Variants in HERC4 observed in about 807,000 individuals in gnomAD.
HERC4 encodes the protein HECT and RLD domain containing E3 ubiquitin protein ligase 4, also known as probable E3 ubiquitin-protein ligase HERC4.
In HERC4, 28 loss-of-function variants were observed where a neutral mutation model predicts 124.3. That is an observed-to-expected ratio of 0.23 (90% CI 0.17 to 0.31). The LOEUF (loss-of-function observed/expected upper bound fraction) is 0.31, where lower values mean the gene tolerates loss of function less well. HERC4 is among the 10% of genes least tolerant of loss of function. HERC4 has a pLI of 1.00. For synonymous variants in HERC4, 407 were observed against 421.5 expected (o/e 0.97, Z 0.42); for missense variants, 713 against 1,229.3 (o/e 0.58, Z 6.28).
chr10:67,960,235 T>A (rs180813716), intron 16 of HERC4, among the ~76,000 whole-genome samples: 3 of 152,338 alleles, frequency 2.0e-5, no homozygotes, highest in Admixed American at 2.0e-4. Flanking sequence ...TACACATCTA[T>A]GCCAGGAAAG....
At chr10:67,932,551 T>C (rs777508486) in intron 23 of HERC4, 46 bp downstream of exon 23, 8 of 1,517,266 alleles carry the variant, frequency 5.3e-6, no homozygotes, top group African/African-American at 2.8e-5. Flanking sequence ...GATTTCCATA[T>C]ATAAATCTTT....
chr10:68,027,200 C>T (rs948596880), intron 7 of HERC4, among the ~76,000 whole-genome samples: 1 of 152,186 alleles, frequency 6.6e-6, no homozygotes, highest in Non-Finnish European at 1.5e-5. Context: ...TTACTACATA[C>T]TGTTATATGA....
At chr10:67,973,106 G>A (rs895943180) in intron 15 of HERC4, among the ~76,000 whole-genome samples, 12 of 152,042 alleles carry the variant, frequency 7.9e-5, no homozygotes, top group African/African-American at 2.9e-4. Context: ...CTAGAATGGA[G>A]GGCACACAGG....
chr10:68,020,074 G>A (rs1409902347), intron 8 of HERC4, among the ~76,000 whole-genome samples: 1 of 152,106 alleles, frequency 6.6e-6, no homozygotes, highest in Non-Finnish European at 1.5e-5. Context: ...AATTTAGAAT[G>A]TCACTGTGCA....
Position 68,034,127 on chromosome 10 carries a change from A to G in HERC4, c.523T>C (p.Cys175Arg), listed in dbSNP as rs753067726. 2 of 1,614,156 alleles carry G rather than the reference A, an allele frequency of 1.2e-6. No individual in the cohort carries two copies. Among genetic ancestry groups the G allele is most frequent in the Non-Finnish European group, 8.5e-7 (1 of 1,180,036 alleles). The change falls in exon 6 of 25, where the codon TGT becomes CGT. Residue 175 changes from cysteine to arginine, a missense_variant. Coordinates refer to ENST00000373700, the MANE Select transcript of HERC4 (RefSeq NM_015601.4). ...AGCTGCGGTGAAGTTTGCTTTTTAC[A>G]GTCAGTACCTAAACCCAATTGGCCA... ...KYGQLGLGTDCKKQTSPQLLK... is the reference protein window; with the variant it reads ...KYGQLGLGTDRKKQTSPQLLK...
rs576109930 is a variant in HERC4 at position 67,925,320 on chromosome 10, C to A, written c.2839-133G>T. On this transcript the variant is annotated intron_variant, in intron 23 of 24. Transcript: ENST00000373700. ...TTGCCCACTGTTTTCTGGACATTTA[C>A]AATTTGAAGCTATTAGTTCCAGGAG... The A allele has an allele frequency of 9.5e-6, 5 of 527,010 alleles. No individual in the cohort carries two copies. In the South Asian group the frequency reaches 1.3e-4, roughly 14 times the overall value. 32.6% of individuals were successfully genotyped at this position (527,010 alleles called of 1,614,324 possible).
At chr10:67,929,566 A>G (rs117386117) in intron 23 of HERC4, among the ~76,000 whole-genome samples, 14,645 of 151,784 alleles carry the variant, frequency 0.096, 912 homozygotes, top group Middle Eastern at 0.18. Context: ...TTTGCTGCCT[A>G]TGACAGAGTG....
At chr10:68,000,009 C>G (rs2037130734) in intron 9 of HERC4, among the ~76,000 whole-genome samples, 1 of 152,150 alleles carries the variant, frequency 6.6e-6, no homozygotes, top group South Asian at 2.1e-4. Flanking sequence ...GTTACTTAAT[C>G]CGGTATGACA....
rs144396685 is a variant in HERC4 at position 68,060,330 on chromosome 10, C to T, written c.226+12553G>A. On this transcript the variant is annotated intron_variant, in intron 3 of 24. Transcript: ENST00000373700. Reference sequence around the variant, plus strand: ...TCAATTCACTGCAACCTCTGCTTCCCGGGTTCAAGCAATTCTCCTGCCTTA... The same window carrying T: ...TCAATTCACTGCAACCTCTGCTTCCTGGGTTCAAGCAATTCTCCTGCCTTA... Among the ~76,000 whole-genome samples, 404 of 152,094 alleles carry T rather than the reference C, an allele frequency of 2.7e-3. 3 individuals carry two copies. The highest frequency in any genetic ancestry group is 4.3e-3 in the Non-Finnish European group (292 of 67,988).
intron 9 of HERC4, among the ~76,000 whole-genome samples, chr10:68,005,043 T>C (rs550357342): frequency 6.6e-6 from 1 of 152,348 alleles, no homozygotes; most frequent in South Asian, 2.1e-4. Context: ...CCAATGTATG[T>C]CCTTGGCGCC....
At position 67,967,824 on chromosome 10, in the gene HERC4, C is replaced by T. The variant is rs990062140; in HGVS notation, c.1807-1022G>A. On this transcript the variant is annotated intron_variant, in intron 15 of 24. Coordinates refer to ENST00000373700, the MANE Select transcript of HERC4 (RefSeq NM_015601.4). Reference sequence around the variant, plus strand: ...AGAGGAACAAGTTAAATAAACATCACAATGAGGAAACAATCAGACAAATCC... The same window carrying T: ...AGAGGAACAAGTTAAATAAACATCATAATGAGGAAACAATCAGACAAATCC... Among the ~76,000 whole-genome samples, 17 of 151,466 alleles carry T rather than the reference C, an allele frequency of 1.1e-4. No homozygotes were observed. The South Asian group carries it at 3.4e-3, about 30-fold the overall frequency.
At chr10:67,978,980 T>C (rs1035031673) in intron 15 of HERC4, among the ~76,000 whole-genome samples, 1 of 152,102 alleles carries the variant, frequency 6.6e-6, no homozygotes, top group Non-Finnish European at 1.5e-5. Flanking sequence ...TCCTTCTGAA[T>C]ATCTGGAAAG....
intron 4 of HERC4, chr10:68,039,496 A>T: frequency 6.4e-7 from 1 of 1,550,774 alleles, no homozygotes; most frequent in Non-Finnish European, 8.7e-7. Context: ...CAGCTTCAGC[A>T]AATCAAAGTT....
At chr10:68,026,295 T>A (rs182322302) in intron 7 of HERC4, among the ~76,000 whole-genome samples, 1 of 152,154 alleles carries the variant, frequency 6.6e-6, no homozygotes, top group Non-Finnish European at 1.5e-5. Flanking sequence ...GGGGTTTTCC[T>A]GTATTGCCCA....
At chr10:68,038,596 G>A (rs1051873108) in intron 4 of HERC4, among the ~76,000 whole-genome samples, 4 of 152,116 alleles carry the variant, frequency 2.6e-5, no homozygotes, top group Non-Finnish European at 5.9e-5. Context: ...TTTAATGCAC[G>A]TTCTCCTTTA....
At chr10:67,997,937 C>T (rs561950199) in intron 9 of HERC4, among the ~76,000 whole-genome samples, 6 of 152,240 alleles carry the variant, frequency 3.9e-5, no homozygotes, top group African/African-American at 1.2e-4. Context: ...AAGTCTCGCT[C>T]TGTCGCCAGG....
intron 3 of HERC4, among the ~76,000 whole-genome samples, chr10:68,059,806 A>T (rs2040865691): frequency 1.1e-5 from 1 of 87,364 alleles, no homozygotes; most frequent in African/African-American, 5.7e-5. Context: ...AATATTATAT[A>T]TTATAATATT....
chr10:67,954,530 G>A (rs1189058498), intron 19 of HERC4, 65 bp downstream of exon 19: 3 of 1,260,766 alleles, frequency 2.4e-6, no homozygotes, highest in East Asian at 2.5e-5. Flanking sequence ...GAATTAACTT[G>A]ATACATACAG....
chr10:67,993,510 G>C (rs1589267925), intron 9 of HERC4: 4 of 149,564 alleles, frequency 2.7e-5, no homozygotes, highest in Admixed American at 2.7e-4. Flanking sequence ...AAGCAACATA[G>C]CAAGACCCAT....
Sources: gnomAD v4.1 joint callset for allele counts (sites outside exome capture counted in the v4.1 genomes callset) on GRCh38, gnomAD v4.1.1 for gene constraint, MANE v1.5 for transcripts, NCBI Gene and HGNC (gene_info 2026-07-23, HGNC 2026-07-21) for gene names.